Variants in PTPRG observed in about 807,000 individuals in gnomAD.
The protein encoded by PTPRG is receptor-type tyrosine-protein phosphatase gamma.
In PTPRG, 102 loss-of-function variants were observed where a neutral mutation model predicts 165.3. The observed-to-expected ratio is 0.62, with a 90% confidence interval of 0.53 to 0.73. PTPRG has a LOEUF of 0.73. Ranked by LOEUF, PTPRG falls within the 30% of genes least tolerant of loss-of-function variation. The pLI is 0.00. For missense variants in PTPRG, 1,866 were observed against 1,861.4 expected (o/e 1.00, Z -0.05); for synonymous variants, 675 against 669.5 (o/e 1.01, Z -0.13).
chr3:61,787,225 T>C (rs1317024903), intron 2 of PTPRG, among the ~76,000 whole-genome samples: 1 of 152,198 alleles, frequency 6.6e-6, no homozygotes, highest in Non-Finnish European at 1.5e-5. Flanking sequence ...GGAATTATGG[T>C]GATGAATAAT....
chr3:61,606,471 C>CT (rs1456528637), intron 1 of PTPRG, among the ~76,000 whole-genome samples: 2 of 152,232 alleles, frequency 1.3e-5, no homozygotes, highest in Non-Finnish European at 2.9e-5. Context: ...CATTGATATA[C>CT]ATCTGCAATA....
intron 12 of PTPRG, among the ~76,000 whole-genome samples, chr3:62,216,579 C>A (rs1193127140): frequency 1.3e-4 from 20 of 149,710 alleles, no homozygotes; most frequent in African/African-American, 4.7e-4. Flanking sequence ...CCTGGCTGGG[C>A]CACCCCCTTC....
At chr3:62,097,840 T>A (rs1039119693) in intron 5 of PTPRG, among the ~76,000 whole-genome samples, 1 of 152,206 alleles carries the variant, frequency 6.6e-6, no homozygotes, top group African/African-American at 2.4e-5. Flanking sequence ...CGTGAAGCAC[T>A]TTTTAGAAGA....
intron 1 of PTPRG, among the ~76,000 whole-genome samples, chr3:61,589,010 C>T (rs775002805): frequency 7.2e-5 from 11 of 152,132 alleles, no homozygotes; most frequent in Non-Finnish European, 1.6e-4. Flanking sequence ...CAAATCATAG[C>T]CTGGGACCAC....
chr3:61,792,668 T>TTTTCTTTCTTTCTTTC (rs199609616), intron 2 of PTPRG, among the ~76,000 whole-genome samples: 1 of 118,152 alleles, frequency 8.5e-6, no homozygotes, highest in East Asian at 2.5e-4. Flanking sequence ...TTTTTGTGGG[T>TTTTCTTTCTTTCTTTC]TTTCTTTCTT....
chr3:62,081,830 C>G (rs1355241196), intron 5 of PTPRG, among the ~76,000 whole-genome samples: 2 of 152,176 alleles, frequency 1.3e-5, no homozygotes, highest in African/African-American at 4.8e-5. Flanking sequence ...ATAGAGAAAT[C>G]TTGGTGTATA....
At chr3:62,037,464 C>T (rs1451978992) in intron 4 of PTPRG, among the ~76,000 whole-genome samples, 2 of 152,160 alleles carry the variant, frequency 1.3e-5, no homozygotes, top group Non-Finnish European at 2.9e-5. Context: ...GTAGCAGCCC[C>T]CTATAAGTTG....
At chr3:61,724,121 T>G (rs2032159480) in intron 1 of PTPRG, among the ~76,000 whole-genome samples, 1 of 149,690 alleles carries the variant, frequency 6.7e-6, no homozygotes, top group Admixed American at 6.8e-5. Context: ...TAACCCCAGC[T>G]ACTTGGGAGG....
In PTPRG at chr3:61,834,907, T is replaced by G. The variant is rs568180969; in HGVS notation, c.190+85925T>G. On this transcript the variant is annotated intron_variant, in intron 2 of 29. Transcript: ENST00000474889. ...AAGGCAAACATATTGGGAATCCAGC[T>G]CTCAGAAATTAGACAATTGAATTAT... 4.6e-5 allele frequency among the ~76,000 whole-genome samples: 7 copies of G among 152,306 alleles called. No homozygotes were observed. The South Asian group carries it at 1.4e-3, about 32-fold the overall frequency.
chr3:62,107,130 G>T (rs1442815967), intron 5 of PTPRG, among the ~76,000 whole-genome samples: 1 of 152,202 alleles, frequency 6.6e-6, no homozygotes, highest in African/African-American at 2.4e-5. Context: ...CAGTCATATG[G>T]TTGGTTATAT....
intron 5 of PTPRG, among the ~76,000 whole-genome samples, chr3:62,113,427 T>G (rs1702740684): frequency 6.6e-6 from 1 of 152,218 alleles, no homozygotes; most frequent in South Asian, 2.1e-4. Context: ...TATTTATAAT[T>G]TAATCATTTA....
intron 4 of PTPRG, among the ~76,000 whole-genome samples, chr3:62,022,642 A>G (rs2041724086): frequency 6.6e-6 from 1 of 152,168 alleles, no homozygotes; most frequent in Non-Finnish European, 1.5e-5. Flanking sequence ...GTTTTTGGTG[A>G]TAGGTAGAAA....
At chr3:62,008,679 G>A (rs988292318) in intron 4 of PTPRG, among the ~76,000 whole-genome samples, 1 of 152,172 alleles carries the variant, frequency 6.6e-6, no homozygotes, top group African/African-American at 2.4e-5. Context: ...GTTTTTCCGT[G>A]GACTGGGTGG....
At chr3:61,757,758 A>G (rs1015687242) in intron 2 of PTPRG, among the ~76,000 whole-genome samples, 1 of 152,208 alleles carries the variant, frequency 6.6e-6, no homozygotes, top group African/African-American at 2.4e-5. Context: ...TATTTTTTTC[A>G]TATCTGCGAT....
intron 2 of PTPRG, chr3:61,771,210 T>C (rs2034198016): frequency 6.6e-6 from 1 of 152,168 alleles, no homozygotes; most frequent in Non-Finnish European, 1.5e-5. Flanking sequence ...TCTTTGACAC[T>C]TTTTGGTAAT....
At chr3:61,620,759 G>A (rs1316032957) in intron 1 of PTPRG, among the ~76,000 whole-genome samples, 1 of 151,988 alleles carries the variant, frequency 6.6e-6, no homozygotes, top group African/African-American at 2.4e-5. Context: ...CTCCCGAGTA[G>A]CTAGGATTAC....
intron 4 of PTPRG, among the ~76,000 whole-genome samples, chr3:62,059,059 C>G (rs543030928): frequency 6.6e-6 from 1 of 152,310 alleles, no homozygotes; most frequent in African/African-American, 2.4e-5. Flanking sequence ...TGAAGGGGCA[C>G]AGATTGTAGA....
intron 2 of PTPRG, among the ~76,000 whole-genome samples, chr3:61,827,514 T>G (rs778631262): frequency 5.9e-5 from 9 of 152,296 alleles, no homozygotes; most frequent in Middle Eastern, 3.4e-3. Flanking sequence ...CCAGTGAATG[T>G]CCTTCTCGTG....
chr3:61,579,880 G>A (rs965850605), intron 1 of PTPRG, among the ~76,000 whole-genome samples: 3 of 152,146 alleles, frequency 2.0e-5, no homozygotes, highest in Admixed American at 6.5e-5. Context: ...GCTGACCCTC[G>A]AACAACATGG....
Sources: gnomAD v4.1 joint callset for allele counts (sites outside exome capture counted in the v4.1 genomes callset) on GRCh38, gnomAD v4.1.1 for gene constraint, MANE v1.5 for transcripts, NCBI Gene and HGNC (gene_info 2026-07-23, HGNC 2026-07-21) for gene names.